TULP3: variants seen among roughly 807,000 people sequenced by gnomAD.
TULP3 encodes TUB like protein 3.
TULP3 carries 38 observed loss-of-function variants against 50.7 expected under a neutral mutation model. The observed-to-expected ratio is 0.75, with a 90% CI of 0.58 to 0.98. TULP3 has a LOEUF of 0.98. TULP3 is among the 50% of genes least tolerant of loss of function. The pLI is 0.00. For missense variants in TULP3, 550 were observed against 568.0 expected, an observed-to-expected ratio of 0.97 and a Z score of 0.32; for synonymous variants, 183 against 196.6, an observed-to-expected ratio of 0.93 and a Z score of 0.58.
chr12:2,920,073 C>G (rs545771863), intron 2 of TULP3, among the ~76,000 whole-genome samples: 1 of 151,596 alleles, frequency 6.6e-6, no homozygotes, highest in African/African-American at 2.4e-5. Context: ...ACAATCATGC[C>G]ATAGTCTGCC....
intron 4 of TULP3, among the ~76,000 whole-genome samples, chr12:2,926,765 G>A (rs1456694542): frequency 7.3e-5 from 3 of 41,016 alleles, no homozygotes; most frequent in Non-Finnish European, 1.3e-4. Context: ...GTAGCCAGGT[G>A]TGGTGGTGGT....
chr12:2,941,063 C>G lies in TULP3; in HGVS notation c.*1619C>G, dbSNP rs1450391738. The G allele has an allele frequency of 8.5e-6, 2 of 234,436 alleles. No homozygotes were observed. The highest frequency in any genetic ancestry group is 8.2e-6 in the Non-Finnish European group (1 of 122,130). 14.5% of individuals were successfully genotyped at this position (234,436 alleles called of 1,614,324 possible). ...ACTAATTTCACATAATTTGTGTGTG[C>G]AGGTGATTGGTTTTTACATAAGTCC... On this transcript the variant is annotated 3_prime_UTR_variant, in exon 11 of 11. Transcript: ENST00000448120.
chr12:2,933,519 C>T lies in TULP3; in HGVS notation c.798C>T (p.Val266=), dbSNP rs200523407. 9 of 1,612,190 alleles carry T rather than the reference C, an allele frequency of 5.6e-6. No homozygotes were observed. Among genetic ancestry groups the T allele is most frequent in the East Asian group, 4.5e-5 (2 of 44,876 alleles). ...VDLSREGESY[V]GKLRSNLMGT... ...TATCTCGTGAAGGAGAAAGTTATGT[C>T]GGCAAGCTTAGGTGAAAGCAACCTT... Residue 266 remains valine (V), a synonymous_variant, in exon 7 of 11, where the codon GTC becomes GTT. Coordinates refer to ENST00000448120, the MANE Select transcript of TULP3 (RefSeq NM_003324.5).
At chr12:2,930,866 C>T in intron 5 of TULP3, 171 bp from the exon 6 acceptor site, 1 of 719,382 alleles carries the variant, frequency 1.4e-6, no homozygotes. Context: ...ACTTACTCTT[C>T]ATTACTCTCA....
intron 4 of TULP3, among the ~76,000 whole-genome samples, chr12:2,929,217 T>C (rs1407347134): frequency 6.6e-6 from 1 of 151,844 alleles, no homozygotes; most frequent in Non-Finnish European, 1.5e-5. Context: ...CTTGGGAGGC[T>C]GAGGCAGGAG....
intron 2 of TULP3, 36 bp from the exon 3 acceptor site, chr12:2,920,727 C>T (rs765057866): frequency 1.2e-6 from 2 of 1,611,214 alleles, no homozygotes; most frequent in Middle Eastern, 1.7e-4. Flanking sequence ...CATGTCAAAA[C>T]TCTCCTTGCT....
chr12:2,920,042 A>G (rs1261956338), intron 2 of TULP3, among the ~76,000 whole-genome samples: 1 of 151,884 alleles, frequency 6.6e-6, no homozygotes, highest in African/African-American at 2.4e-5. Context: ...TTAAAAAAAA[A>G]AAAAGACTAG....
Position 2,931,206 on chromosome 12 carries a change from A to G in TULP3, c.662A>G (p.Tyr221Cys). 2.5e-6 allele frequency: 4 copies of G among 1,614,114 alleles called. No individual in the cohort carries two copies. The highest frequency in any genetic ancestry group is 2.2e-5 in the East Asian group (1 of 44,880). The change falls in exon 6 of 11, where the codon TAC (tyrosine) becomes TGC (cysteine). Residue 221 changes from tyrosine to cysteine, a missense_variant. By Grantham distance (194) the Tyr-to-Cys change is radical. Coordinates refer to ENST00000448120, the MANE Select transcript of TULP3 (RefSeq NM_003324.5). The part of the protein sequence containing the change: ...RGMDRGLFPT[Y>C]YMYLEKEENQ... ...ATGGATCGGGGTCTCTTCCCCACCTACTATATGTACTTGGAAAAAGAAGAA... is the reference window on the plus strand; with the variant it reads ...ATGGATCGGGGTCTCTTCCCCACCTGCTATATGTACTTGGAAAAAGAAGAA...
At position 2,940,147 on chromosome 12, in the gene TULP3, C is replaced by T. The variant is rs1364403832; in HGVS notation, c.*703C>T. The stretch of plus-strand genomic sequence containing the variant: ...GAAAGCATAAACTCTAGAGGTGACT[C>T]AGTCAGGACTGACAGTAATGTGATA... On this transcript the variant is annotated 3_prime_UTR_variant, in exon 11 of 11. Transcript: ENST00000448120. 5.4e-6 allele frequency: 7 copies of T among 1,297,256 alleles called. No individual in the cohort carries two copies. Among genetic ancestry groups the T allele is most frequent in the Non-Finnish European group, 7.0e-6 (7 of 994,522 alleles). The allele number at this position is 1,297,256 out of a possible 1,614,324, so 80.4% of individuals were successfully genotyped here.
chr12:2,894,538 A>AACACACACACACACACACAC (rs56834874), intron 1 of TULP3, among the ~76,000 whole-genome samples: 254 of 147,820 alleles, frequency 1.7e-3, no homozygotes, highest in African/African-American at 5.8e-3. Flanking sequence ...CCGTCTCAAA[A>AACACACACACACACACACAC]ACACACACAC....
chr12:2,937,610 C>T (rs1195502248), intron 8 of TULP3, 21 bp from the exon 9 acceptor site: 2 of 1,572,368 alleles, frequency 1.3e-6, no homozygotes, highest in Non-Finnish European at 1.7e-6. Context: ...CCAAGTTCTG[C>T]TTTGTTTTCC....
intron 9 of TULP3, 63 bp downstream of exon 9, chr12:2,937,792 A>T: frequency 5.4e-6 from 6 of 1,118,114 alleles, no homozygotes; most frequent in Non-Finnish European, 7.5e-6. Flanking sequence ...ATACACAGAG[A>T]TTAATACAAA....
chr12:2,902,864 A>ATTTT (rs55745440), intron 1 of TULP3, among the ~76,000 whole-genome samples: 14 of 144,846 alleles, frequency 9.7e-5, no homozygotes, highest in African/African-American at 3.1e-4. Context: ...GGGCAATGGG[A>ATTTT]TTTTTTTTTT....
intron 2 of TULP3, among the ~76,000 whole-genome samples, chr12:2,918,783 G>A (rs1001666974): frequency 5.3e-5 from 8 of 151,684 alleles, no homozygotes; most frequent in African/African-American, 7.3e-5. Flanking sequence ...CAGGTGATCC[G>A]TCCGCCTCAG....
Position 2,940,220 on chromosome 12 carries a change from A to G in TULP3, c.*776A>G, listed in dbSNP as rs955536743. The stretch of plus-strand genomic sequence containing the variant: ...GAGTGCCTCTCACAGCTATATGACT[A>G]CGGATCCATTAGTGAGGAGCGACAC... On this transcript the variant is annotated 3_prime_UTR_variant, in exon 11 of 11. Coordinates refer to ENST00000448120, the MANE Select transcript of TULP3 (RefSeq NM_003324.5). 5 of 1,340,616 alleles carry G rather than the reference A, an allele frequency of 3.7e-6. No homozygotes were observed. The Admixed American group carries it at 6.7e-5, about 18-fold the overall frequency. The allele number at this position is 1,340,616 out of a possible 1,614,324, so 83.0% of individuals were successfully genotyped here. A position where few individuals can be genotyped will look rare whatever the true frequency, so the allele number is the denominator to read the frequency against.
At chr12:2,916,038 G>A (rs1310888112) in intron 2 of TULP3, among the ~76,000 whole-genome samples, 2 of 151,752 alleles carry the variant, frequency 1.3e-5, no homozygotes, top group Non-Finnish European at 2.9e-5. Context: ...TTTTGAGATG[G>A]TTGCTCTGTT....
chr12:2,938,986 G>A (rs193005692), intron 10 of TULP3, among the ~76,000 whole-genome samples: 1 of 152,276 alleles, frequency 6.6e-6, no homozygotes, highest in African/African-American at 2.4e-5. Context: ...CAGCACTTTG[G>A]GAGGCCGAGG....
At position 2,890,912 on chromosome 12, in the gene TULP3, A is replaced by AGT; in HGVS notation, c.-31_-30dup. The AGT allele has an allele frequency of 6.4e-7, 1 of 1,562,366 alleles. No homozygotes were observed. Among genetic ancestry groups the AGT allele is most frequent in the Non-Finnish European group, 8.7e-7 (1 of 1,153,628 alleles). ...AGCCACTCTAGCGACGGCGGGGAAG[A>AGT]GTGTGTACGTGGTGGGGGCTTCCTC... On this transcript the variant is annotated 5_prime_UTR_variant, in exon 1 of 11. Transcript: ENST00000448120.
intron 2 of TULP3, among the ~76,000 whole-genome samples, chr12:2,916,763 C>A (rs530274762): frequency 6.6e-6 from 1 of 152,344 alleles, no homozygotes; most frequent in South Asian, 2.1e-4. Context: ...ACGGTTTTCA[C>A]CAAGATGGCA....
Sources: gnomAD v4.1 joint callset for allele counts (sites outside exome capture counted in the v4.1 genomes callset) on GRCh38, gnomAD v4.1.1 for gene constraint, MANE v1.5 for transcripts, NCBI Gene and HGNC (gene_info 2026-07-23, HGNC 2026-07-21) for gene names.